The following ARHGEF11 variants were observed in gnomAD, a reference collection of about 807,000 sequenced individuals.
ARHGEF11 encodes the protein Rho guanine exchange factor (GEF) 11.
In ARHGEF11, 55 loss-of-function variants were observed where a neutral mutation model predicts 193.7. The observed-to-expected ratio is 0.28, with a 90% CI of 0.23 to 0.36. The LOEUF (loss-of-function observed/expected upper bound fraction) is 0.36, where lower values mean the gene tolerates loss of function less well. ARHGEF11 is among the 10% of genes least tolerant of loss of function. ARHGEF11 has a pLI of 1.00. For missense variants in ARHGEF11, 1,723 were observed against 2,005.6 expected (o/e 0.86, Z 2.69); for synonymous variants, 693 against 768.0 (o/e 0.90, Z 1.62).
chr1:157,043,806 C>T (rs1268064030), intron 1 of ARHGEF11, among the ~76,000 whole-genome samples: 1 of 152,228 alleles, frequency 6.6e-6, no homozygotes, highest in Non-Finnish European at 1.5e-5. Context: ...AGGCCAAGAA[C>T]ATCCTCTTCA....
rs539379023 is a variant in ARHGEF11, at chr1:156,990,760, T to G, written c.33-4587A>C. On this transcript the variant is annotated intron_variant, in intron 1 of 40. Coordinates refer to ENST00000368194, the MANE Select transcript of ARHGEF11 (RefSeq NM_198236.3). ...GGGAGCTTCTGAAAGCCAGCTCCTG[T>G]GTCCTTTTAACATGTCACCATCTGT... is the stretch of plus-strand genomic sequence containing the variant. 2.5e-3 allele frequency among the ~76,000 whole-genome samples: 376 copies of G among 152,310 alleles called. 2 individuals carry two copies. Among genetic ancestry groups the G allele is most frequent in the Non-Finnish European group, 4.8e-3 (324 of 68,036 alleles).
intron 1 of ARHGEF11, among the ~76,000 whole-genome samples, chr1:157,023,467 T>C (rs1670237065): frequency 6.6e-6 from 1 of 152,112 alleles, no homozygotes; most frequent in East Asian, 1.9e-4. Flanking sequence ...CCAGCTATAA[T>C]AAAATGACAG....
chr1:157,038,641 A>T (rs1463760407), intron 1 of ARHGEF11, among the ~76,000 whole-genome samples: 1 of 152,200 alleles, frequency 6.6e-6, no homozygotes, highest in East Asian at 1.9e-4. Context: ...GGGCAAGAGG[A>T]TCCCTTGAAG....
chr1:157,037,686 G>C (rs1672212611), intron 1 of ARHGEF11, among the ~76,000 whole-genome samples: 1 of 152,138 alleles, frequency 6.6e-6, no homozygotes, highest in Admixed American at 6.5e-5. Context: ...CAGCAATTAT[G>C]TACCATCTTT....
intron 1 of ARHGEF11, among the ~76,000 whole-genome samples, chr1:157,040,385 C>A (rs966735247): frequency 6.6e-6 from 1 of 152,226 alleles, no homozygotes; most frequent in Admixed American, 6.5e-5. Context: ...AGACCCCTGA[C>A]AGAGAACAGT....
At chr1:156,958,553 T>C (rs911192115) in intron 17 of ARHGEF11, among the ~76,000 whole-genome samples, 189 bp downstream of exon 17, 3 of 152,212 alleles carry the variant, frequency 2.0e-5, no homozygotes, top group Non-Finnish European at 2.9e-5. Flanking sequence ...CTCCAGGCTC[T>C]GCCACACCCT....
In ARHGEF11 at chr1:156,939,595, T is replaced by A. The variant is rs1212636517; in HGVS notation, c.4049A>T (p.Asp1350Val). Residue 1350 changes from aspartate (D) to valine (V), a missense_variant, in exon 37 of 41, where the codon GAT (aspartate) becomes GTT (valine). Physicochemically the swap from Asp to Val is radical, Grantham distance 152 (BLOSUM62 -3). Transcript: ENST00000368194. The part of the protein sequence containing the change: ...SPELDRNLAE[D>V]ASSTEAAGGY... ...TCCTGCTGCCTCTGTGCTTGAAGCATCTTCAGCCAGATTCCTGTCCAGTTC... is the reference window on the plus strand; with the variant it reads ...TCCTGCTGCCTCTGTGCTTGAAGCAACTTCAGCCAGATTCCTGTCCAGTTC... The A allele has an allele frequency of 6.2e-7, 1 of 1,613,330 alleles. No individual in the cohort carries two copies. Among genetic ancestry groups the A allele is most frequent in the Admixed American group, 1.7e-5 (1 of 60,018 alleles).
chr1:156,956,641 C>T lies in ARHGEF11; in HGVS notation c.1527-77G>A, dbSNP rs73008716. 7.1e-3 allele frequency: 11,203 copies of T among 1,581,016 alleles called. 78 individuals carry two copies. The highest frequency in any genetic ancestry group is 0.025 in the African/African-American group (1,851 of 74,166). ...GTGCCAAACAATCTCTTCACCACCA[C>T]GCAGTGGAGTGGGGAAGGGGTAGTT... On this transcript the variant is annotated intron_variant, in intron 18 of 40. Transcript: ENST00000368194.
At chr1:156,956,335 C>T (rs1359197485) in intron 19 of ARHGEF11, 85 bp downstream of exon 19, 32 of 1,457,552 alleles carry the variant, frequency 2.2e-5, no homozygotes, top group Non-Finnish European at 2.8e-5. Flanking sequence ...AGGCTGGTCT[C>T]GAACTCCTGA....
intron 11 of ARHGEF11, among the ~76,000 whole-genome samples, chr1:156,964,166 G>A (rs1661378689): frequency 6.6e-6 from 1 of 152,106 alleles, no homozygotes; most frequent in Non-Finnish European, 1.5e-5. Context: ...TTGTTTGCCC[G>A]CTCAAGAATC....
intron 1 of ARHGEF11, among the ~76,000 whole-genome samples, chr1:157,009,708 C>T (rs1475827219): frequency 6.6e-6 from 1 of 152,180 alleles, no homozygotes; most frequent in Non-Finnish European, 1.5e-5. Context: ...GATTCATGAG[C>T]TAGTCTAAGC....
rs1185122992 is a variant in ARHGEF11, at chr1:156,955,728, C to T, written c.1743G>A (p.Gly581=). 3 of 1,614,166 alleles carry T rather than the reference C, an allele frequency of 1.9e-6. No individual in the cohort carries two copies. Among genetic ancestry groups the T allele is most frequent in the Non-Finnish European group, 8.5e-7 (1 of 1,180,020 alleles). Residue 581 remains glycine (G), a synonymous_variant, in exon 20 of 41, where the codon GGG becomes GGA. Transcript: ENST00000368194. ...TGCTTTGAGAAGAGCTTTTGGGCTTCCCAATGTATTTGAGGATAGGGTTTC... is the reference window on the plus strand; with the variant it reads ...TGCTTTGAGAAGAGCTTTTGGGCTTTCCAATGTATTTGAGGATAGGGTTTC... ...KKRNPILKYI[G]KPKSSSQSTF... is the part of the protein sequence containing the mutation.
At chr1:157,040,281 A>G (rs901368371) in intron 1 of ARHGEF11, among the ~76,000 whole-genome samples, 2 of 152,202 alleles carry the variant, frequency 1.3e-5, no homozygotes, top group African/African-American at 4.8e-5. Context: ...CCATTCTGGG[A>G]GGCCAACCTT....
Position 156,939,763 on chromosome 1 carries a change from C to A in ARHGEF11, c.3881G>T (p.Gly1294Val), listed in dbSNP as rs779635724. 2 of 1,613,900 alleles carry A rather than the reference C, an allele frequency of 1.2e-6. No individual in the cohort carries two copies. Among genetic ancestry groups the A allele is most frequent in the East Asian group, 4.5e-5 (2 of 44,864 alleles). Residue 1294 changes from glycine (G) to valine (V), a missense_variant, in exon 37 of 41, where the codon GGG becomes GTG. By Grantham distance (109) the Gly-to-Val change is moderately radical. Transcript: ENST00000368194. ...TSHPWDPGSP[G>V]QAPPGGEGDN... ...CCCTTCACCCCCAGGGGGTGCTTGCCCTGGGGAGCCTGGGTCCCAGGGGTG... is the reference window on the plus strand; with the variant it reads ...CCCTTCACCCCCAGGGGGTGCTTGCACTGGGGAGCCTGGGTCCCAGGGGTG...
At chr1:156,955,027 C>T (rs962971866) in intron 20 of ARHGEF11, 106 bp from the exon 21 acceptor site, 8 of 973,170 alleles carry the variant, frequency 8.2e-6, no homozygotes, top group South Asian at 3.0e-5. Flanking sequence ...AAGGTAGTGG[C>T]GAAAATCAAG....
intron 1 of ARHGEF11, among the ~76,000 whole-genome samples, chr1:157,027,934 AAG>A (rs1466369486): frequency 1.3e-5 from 2 of 152,184 alleles, no homozygotes; most frequent in Non-Finnish European, 2.9e-5. Flanking sequence ...GGGAAAGAGA[AAG>A]AGAGATCCCT....
At position 156,984,364 on chromosome 1, in the gene ARHGEF11, A is replaced by G; in HGVS notation, c.198T>C (p.Ile66=). 1.3e-6 allele frequency: 2 copies of G among 1,594,870 alleles called. No homozygotes were observed. The highest frequency in any genetic ancestry group is 1.7e-6 in the Non-Finnish European group (2 of 1,170,462). The change falls in exon 3 of 41, where the codon ATT becomes ATC. Residue 66 remains isoleucine (I), a synonymous_variant. Transcript: ENST00000368194. ...CAGGCCGCACAGACTGCACCAGAACAATGCGATCCCCACTGACTGTGAAGC... is the reference window on the plus strand; with the variant it reads ...CAGGCCGCACAGACTGCACCAGAACGATGCGATCCCCACTGACTGTGAAGC... The part of the protein sequence containing the change: ...GFGFTVSGDR[I]VLVQSVRPGG...
chr1:156,936,776 C>T, intron 40 of ARHGEF11, 40 bp downstream of exon 40: 1 of 1,587,060 alleles, frequency 6.3e-7, no homozygotes. Flanking sequence ...CAGACTTCTC[C>T]CCCAATGGTA....
At chr1:156,968,324 T>G (rs1662002598) in intron 10 of ARHGEF11, among the ~76,000 whole-genome samples, 200 bp from the exon 11 acceptor site, 1 of 152,224 alleles carries the variant, frequency 6.6e-6, no homozygotes, top group East Asian at 1.9e-4. Flanking sequence ...TTGAGGTAGA[T>G]ACTATTATTC....
Sources: gnomAD v4.1 joint callset for allele counts (sites outside exome capture counted in the v4.1 genomes callset) on GRCh38, gnomAD v4.1.1 for gene constraint, MANE v1.5 for transcripts, NCBI Gene and HGNC (gene_info 2026-07-23, HGNC 2026-07-21) for gene names.